The following DAB1 variants were observed in gnomAD, a reference collection of about 807,000 sequenced individuals.
The protein encoded by DAB1 is DAB adaptor protein 1.
In DAB1, 15 loss-of-function variants were observed where a neutral mutation model predicts 64.6. The observed-to-expected ratio is 0.23, with a 90% CI of 0.16 to 0.36. DAB1 has a LOEUF of 0.36. Ranked by LOEUF, DAB1 falls within the 10% of genes least tolerant of loss-of-function variation. The pLI, the probability that DAB1 is intolerant of heterozygous loss-of-function variation, is 1.00. For synonymous variants in DAB1, 235 were observed against 251.9 expected, an observed-to-expected ratio of 0.93 and a Z score of 0.64; for missense variants, 596 against 706.7, an observed-to-expected ratio of 0.84 and a Z score of 1.78.
At chr1:58,104,941 C>T (rs4320799) in intron 5 of DAB1, among the ~76,000 whole-genome samples, 34,431 of 151,946 alleles carry the variant, frequency 0.23, 4,356 homozygotes, top group East Asian at 0.39. Context: ...AAGGGAATGT[C>T]GCACATTCAA....
chr1:57,235,728 CTTCCTGCA>C (rs1227162566), intron 2 of DAB1, among the ~76,000 whole-genome samples: 1 of 141,688 alleles, frequency 7.1e-6, no homozygotes, highest in Non-Finnish European at 1.6e-5. Context: ...AAAAAACAAG[CTTCCTGCA>C]TATGGTTGAA....
chr1:58,048,590 C>T (rs1647403899), intron 5 of DAB1: 2 of 1,016,618 alleles, frequency 2.0e-6, no homozygotes, highest in Admixed American at 1.7e-5. Context: ...ACCATATCCA[C>T]TGACATCACA....
chr1:58,353,844 A>G (rs1230247701), intron 3 of DAB1, among the ~76,000 whole-genome samples: 2 of 152,150 alleles, frequency 1.3e-5, no homozygotes, highest in African/African-American at 4.8e-5. Flanking sequence ...CTGAAGTTTC[A>G]TTTAGTTAAG....
chr1:57,402,439 G>A (rs187419903), intron 1 of DAB1, among the ~76,000 whole-genome samples: 15 of 152,178 alleles, frequency 9.9e-5, no homozygotes, highest in Middle Eastern at 3.4e-3. Context: ...CACGTTTAAG[G>A]GCAGTGAGTC....
intron 6 of DAB1, among the ~76,000 whole-genome samples, chr1:57,787,289 G>A (rs974712856): frequency 1.3e-5 from 2 of 152,242 alleles, no homozygotes; most frequent in Admixed American, 6.5e-5. Context: ...AGTGGTCAAA[G>A]CAGTGCAAAG....
intron 5 of DAB1, among the ~76,000 whole-genome samples, chr1:57,984,194 AAGAAAG>A (rs1646141612): frequency 3.7e-5 from 3 of 80,690 alleles, no homozygotes; most frequent in Non-Finnish European, 6.1e-5. Context: ...AAAAGAAAGA[AAGAAAG>A]AAAGAAAGAA....
intron 5 of DAB1, among the ~76,000 whole-genome samples, chr1:57,955,163 T>G (rs1857373): frequency 0.83 from 125,514 of 152,102 alleles, 52,881 homozygotes; most frequent in Admixed American, 0.92. Context: ...TTTACCTCCA[T>G]CTTGAACTCT....
intron 9 of DAB1, among the ~76,000 whole-genome samples, chr1:57,047,421 A>G (rs2100509472): frequency 6.6e-6 from 1 of 152,242 alleles, no homozygotes; most frequent in Non-Finnish European, 1.5e-5. Context: ...GGGCTAGATT[A>G]GGTAAAGGGT....
intron 1 of DAB1, among the ~76,000 whole-genome samples, chr1:57,859,322 C>A (rs1290519724): frequency 6.6e-6 from 1 of 152,090 alleles, no homozygotes; most frequent in Non-Finnish European, 1.5e-5. Context: ...TGTTTGGGCT[C>A]CGTATCCCTC....
At chr1:57,066,285 C>T (rs1321808107) in intron 8 of DAB1, among the ~76,000 whole-genome samples, 3 of 152,118 alleles carry the variant, frequency 2.0e-5, no homozygotes, top group Non-Finnish European at 4.4e-5. Flanking sequence ...GTATTCAGCA[C>T]CTCAATTGGG....
intron 5 of DAB1, among the ~76,000 whole-genome samples, chr1:58,083,492 G>A (rs1051372887): frequency 6.6e-5 from 10 of 152,186 alleles, no homozygotes; most frequent in African/African-American, 2.2e-4. Context: ...GACAAAGGAC[G>A]AATGAATGAA....
intron 3 of DAB1, among the ~76,000 whole-genome samples, chr1:58,422,728 C>A (rs1313545129): frequency 6.6e-6 from 1 of 151,844 alleles, no homozygotes; most frequent in Non-Finnish European, 1.5e-5. Flanking sequence ...ACAACCCACA[C>A]CAGCTGACTT....
At chr1:58,116,904 C>G (rs950219653) in intron 5 of DAB1, among the ~76,000 whole-genome samples, 1 of 152,162 alleles carries the variant, frequency 6.6e-6, no homozygotes, top group African/African-American at 2.4e-5. Context: ...AGGGATGGTT[C>G]TTATTGGCAC....
At chr1:57,804,782 T>C (rs1651285445) in intron 6 of DAB1, among the ~76,000 whole-genome samples, 1 of 152,196 alleles carries the variant, frequency 6.6e-6, no homozygotes, top group Non-Finnish European at 1.5e-5. Context: ...AGTGTACTGG[T>C]AGTGCTTAAT....
intron 4 of DAB1, among the ~76,000 whole-genome samples, chr1:58,302,822 AT>A (rs566501771): frequency 1.3e-5 from 2 of 152,110 alleles, no homozygotes; most frequent in African/African-American, 4.8e-5. Flanking sequence ...TTTCATTACT[AT>A]TTTTTTAAAT....
Position 57,042,050 on chromosome 1 carries a change from C to T in DAB1, c.724-16007G>A, listed in dbSNP as rs138808189. ...CCATCATAAGTCAGAGCAGAGAAAC[C>T]TAGCTCACATTTTGTAACAAGGAAA... On this transcript the variant is annotated intron_variant, in intron 9 of 14. Coordinates refer to ENST00000371236, the MANE Select transcript of DAB1 (RefSeq NM_001365792.1). Among the ~76,000 whole-genome samples, 290 of 152,250 alleles carry T rather than the reference C, an allele frequency of 1.9e-3. 2 individuals are homozygous for T. The highest frequency in any genetic ancestry group is 6.7e-3 in the African/African-American group (279 of 41,548).
At chr1:57,997,888 C>A (rs944561418) in intron 5 of DAB1, among the ~76,000 whole-genome samples, 18 of 151,724 alleles carry the variant, frequency 1.2e-4, no homozygotes, top group Non-Finnish European at 2.5e-4. Flanking sequence ...ATAGGAGTAA[C>A]ACAGAGCTGA....
chr1:57,807,089 A>G (rs1651398360), intron 6 of DAB1, among the ~76,000 whole-genome samples: 1 of 152,152 alleles, frequency 6.6e-6, no homozygotes, highest in African/African-American at 2.4e-5. Flanking sequence ...AGACTATAGC[A>G]CTAGCTCCTA....
At chr1:57,804,860 G>A (rs942001489) in intron 6 of DAB1, among the ~76,000 whole-genome samples, 4 of 152,086 alleles carry the variant, frequency 2.6e-5, no homozygotes, top group African/African-American at 9.7e-5. Context: ...TCTCACCCGA[G>A]GAAACTTTAT....
Sources: allele counts gnomAD v4.1 joint callset (sites outside exome capture counted in the v4.1 genomes callset), GRCh38; gene constraint gnomAD v4.1.1; transcripts MANE v1.5; gene names NCBI Gene and HGNC (gene_info 2026-07-23, HGNC 2026-07-21).